NCKAP5: variants seen among roughly 807,000 people sequenced by gnomAD.
The protein encoded by NCKAP5 is nck-associated protein 5.
NCKAP5 carries 92 observed loss-of-function variants against 167.0 expected under a neutral mutation model. The ratio of observed to expected loss-of-function variants is 0.55; its 90% CI spans 0.47 to 0.66. The LOEUF (loss-of-function observed/expected upper bound fraction) is 0.66, where lower values mean the gene tolerates loss of function less well. NCKAP5 is among the 30% of genes least tolerant of loss of function. The probability of loss-of-function intolerance (pLI) is 0.00; values close to 1 mark genes in which losing one functional copy is unlikely to be tolerated. For synonymous variants in NCKAP5, 891 were observed against 877.4 expected (o/e 1.02, Z -0.27); for missense variants, 2,378 against 2,315.0 (o/e 1.03, Z -0.56).
the NCKAP5 span, among the ~76,000 whole-genome samples, chr2:133,581,433 C>T: frequency 6.6e-6 from 1 of 152,126 alleles, no homozygotes. Context: ...GTCCTGAGCC[C>T]CAGGTGTCAG....
chr2:133,446,761 T>C (rs1691220241), intron 3 of NCKAP5, among the ~76,000 whole-genome samples: 1 of 151,946 alleles, frequency 6.6e-6, no homozygotes, highest in South Asian at 2.1e-4. Flanking sequence ...TGTCTGGAGA[T>C]GACAGCTGAA....
At chr2:133,648,260 T>G in the NCKAP5 span, among the ~76,000 whole-genome samples, 9,170 of 149,666 alleles carry the variant, frequency 0.061, 869 homozygotes, top group African/African-American at 0.21. Flanking sequence ...GCTAGATATA[T>G]TAAAAAAAAA....
At position 133,517,481 on chromosome 2, in the gene NCKAP5, G is replaced by C; in HGVS notation, c.46C>G (p.Leu16Val). 6.5e-7 allele frequency: 1 copy of C among 1,529,640 alleles called. No homozygotes were observed. Among genetic ancestry groups the C allele is most frequent in the Non-Finnish European group, 8.8e-7 (1 of 1,133,764 alleles). The allele number at this position is 1,529,640 out of a possible 1,614,324, so 94.8% of individuals were successfully genotyped here. ...QLEKRDFGKRLSLDSSLVEYM... is the reference protein window; with the variant it reads ...QLEKRDFGKRVSLDSSLVEYM... The stretch of plus-strand genomic sequence containing the variant: ...ACCACAAGACTGCTGTCTAGAGACA[G>C]CCTTTTTCCAAAGTCCCTTTTCTCA... The change falls in exon 3 of 20, where the codon CTG becomes GTG. Residue 16 changes from leucine to valine, a missense_variant. By Grantham distance (32) the Leu-to-Val change is conservative. Coordinates refer to ENST00000409261, the MANE Select transcript of NCKAP5 (RefSeq NM_207363.3).
the NCKAP5 span, among the ~76,000 whole-genome samples, chr2:133,611,742 C>T: frequency 2.0e-5 from 3 of 152,126 alleles, no homozygotes; most frequent in Non-Finnish European, 2.9e-5. Context: ...CACTTCTCTC[C>T]AAAATAGAGA....
At chr2:133,200,061 C>CTTTTTTTTTTTTTTTTTTTTTTTTTTT (rs70973417) in intron 5 of NCKAP5, among the ~76,000 whole-genome samples, 1 of 109,396 alleles carries the variant, frequency 9.1e-6, no homozygotes, top group Non-Finnish European at 1.8e-5. Context: ...TTTTTTCTTT[C>CTTTTTTTTTTTTTTTTTTTTTTTTTTT]TTTTTTTTTT....
the NCKAP5 span, among the ~76,000 whole-genome samples, chr2:133,639,062 G>T: frequency 6.6e-6 from 1 of 152,194 alleles, no homozygotes; most frequent in East Asian, 1.9e-4. Context: ...ATGACCAACA[G>T]ATATAAGACA....
chr2:133,645,342 T>C, the NCKAP5 span, among the ~76,000 whole-genome samples: 1 of 152,208 alleles, frequency 6.6e-6, no homozygotes, highest in Non-Finnish European at 1.5e-5. Context: ...ATAAAAGGGA[T>C]ATACATTTTT....
chr2:133,603,556 T>C, the NCKAP5 span, among the ~76,000 whole-genome samples: 29 of 147,612 alleles, frequency 2.0e-4, no homozygotes, highest in African/African-American at 7.3e-4. Context: ...CTTTTCTTTT[T>C]TTGAGACGGA....
In NCKAP5 at chr2:132,783,348, T is replaced by C; in HGVS notation, c.3463A>G (p.Lys1155Glu). Residue 1155 changes from lysine to glutamate, a missense_variant, in exon 14 of 20, where the codon AAG becomes GAG. This residue lies in a region of NCKAP5 where 1,325 missense variants were observed against 1,274.5 expected (regional missense o/e 1.04). Transcript: ENST00000409261. Reference protein sequence around the residue: ...RLPVGLKVLMKSPQLLRKSST... With the variant: ...RLPVGLKVLMESPQLLRKSST... Reference sequence around the variant, plus strand: ...CTTTTCCTGAGCAGCTGGGGAGACTTCATGAGCACTTTGAGTCCCACTGGA... The same window carrying C: ...CTTTTCCTGAGCAGCTGGGGAGACTCCATGAGCACTTTGAGTCCCACTGGA... The C allele has an allele frequency of 6.2e-7, 1 of 1,613,350 alleles. No homozygotes were observed.
At chr2:133,660,284 T>C in the NCKAP5 span, among the ~76,000 whole-genome samples, 2 of 152,188 alleles carry the variant, frequency 1.3e-5, no homozygotes, top group African/African-American at 4.8e-5. Flanking sequence ...CCACTCACTA[T>C]TTTTTTTCCT....
chr2:133,639,516 G>A, the NCKAP5 span, among the ~76,000 whole-genome samples: 1 of 152,108 alleles, frequency 6.6e-6, no homozygotes, highest in Non-Finnish European at 1.5e-5. Context: ...CAGGTTTTAG[G>A]CAGCTTATGA....
intron 3 of NCKAP5, among the ~76,000 whole-genome samples, chr2:133,332,520 A>G (rs1423357195): frequency 1.3e-5 from 2 of 152,308 alleles, no homozygotes; most frequent in East Asian, 3.9e-4. Flanking sequence ...ACAGAAAATG[A>G]GTTTTTAGAA....
chr2:132,852,528 A>G (rs1689154716), intron 11 of NCKAP5, among the ~76,000 whole-genome samples: 2 of 152,108 alleles, frequency 1.3e-5, no homozygotes, highest in Non-Finnish European at 2.9e-5. Context: ...CCAGCATGAC[A>G]CTCCTGGAGG....
intron 6 of NCKAP5, among the ~76,000 whole-genome samples, chr2:133,019,659 ACTAGAC>A (rs1420410700): frequency 6.6e-6 from 1 of 152,214 alleles, no homozygotes; most frequent in African/African-American, 2.4e-5. Context: ...CCATTTGAAC[ACTAGAC>A]CTAAGAGTGC....
chr2:133,620,119 A>G, the NCKAP5 span, among the ~76,000 whole-genome samples: 1 of 152,026 alleles, frequency 6.6e-6, no homozygotes, highest in Non-Finnish European at 1.5e-5. Context: ...CTTGAAATAC[A>G]CCAAAACAGA....
intron 3 of NCKAP5, among the ~76,000 whole-genome samples, chr2:133,490,904 A>G (rs1681380130): frequency 6.6e-6 from 1 of 152,250 alleles, no homozygotes; most frequent in East Asian, 1.9e-4. Context: ...TGTAAGTTTT[A>G]TGATTTCTGT....
chr2:132,758,765 G>A (rs559136875), intron 16 of NCKAP5, among the ~76,000 whole-genome samples: 1 of 152,144 alleles, frequency 6.6e-6, no homozygotes, highest in Admixed American at 6.6e-5. Flanking sequence ...CAGATCAGAC[G>A]AGCAAACCAA....
In NCKAP5 at chr2:133,330,853, T is replaced by A. The variant is rs1399764445; in HGVS notation, c.70-27743A>T. 3.3e-5 allele frequency among the ~76,000 whole-genome samples: 5 copies of A among 152,172 alleles called. No individual in the cohort carries two copies. In the East Asian group the frequency reaches 9.6e-4, roughly 29 times the overall value. On this transcript the variant is annotated intron_variant, in intron 3 of 19. Coordinates refer to ENST00000409261, the MANE Select transcript of NCKAP5 (RefSeq NM_207363.3). ...TTAAGTTTGCAGTGAGCTATGATTA[T>A]GCCACTGTACTCTAGTCTGGGCTAC...
chr2:133,440,709 C>CAAAA (rs1174654151), intron 3 of NCKAP5, among the ~76,000 whole-genome samples: 5 of 32,690 alleles, frequency 1.5e-4, no homozygotes, highest in South Asian at 1.7e-3. Context: ...GACTCTGTCT[C>CAAAA]AAAAAAAAAA....
Sources: allele counts gnomAD v4.1 joint callset (sites outside exome capture counted in the v4.1 genomes callset), GRCh38; gene constraint gnomAD v4.1.1; regional missense constraint gnomAD v4.1.1; transcripts MANE v1.5; gene names NCBI Gene and HGNC (gene_info 2026-07-23, HGNC 2026-07-21).